The following ABCF3 variants were observed in gnomAD, a reference collection of about 807,000 sequenced individuals.
The protein encoded by ABCF3 is ATP-binding cassette sub-family F member 3.
ABCF3 carries 62 observed loss-of-function variants against 94.3 expected under a neutral mutation model. The observed-to-expected ratio is 0.66, with a 90% CI of 0.54 to 0.81. ABCF3 has a LOEUF of 0.81. Among genes scored for constraint, ABCF3 ranks in the 40% least tolerant of loss-of-function variants. The pLI, the probability that ABCF3 is intolerant of heterozygous loss-of-function variation, is 0.00. For synonymous variants in ABCF3, 355 were observed against 361.1 expected (o/e 0.98, Z 0.19); for missense variants, 843 against 925.3 (o/e 0.91, Z 1.15).
In ABCF3 at chr3:184,187,379, T is replaced by G. The variant is rs1209486544; in HGVS notation, c.302-18T>G. The G allele has an allele frequency of 6.2e-7, 1 of 1,613,926 alleles. No homozygotes were observed. The highest frequency in any genetic ancestry group is 1.7e-5 in the Admixed American group (1 of 60,016). On this transcript the variant is annotated intron_variant, in intron 3 of 20. Coordinates refer to ENST00000429586, the MANE Select transcript of ABCF3 (RefSeq NM_018358.3). ...CTTCCCTCAGGGAGAAGGTGACTGC[T>G]TTTCTTATCGCTTACAGACTGTGGA...
In ABCF3 at chr3:184,188,810, G is replaced by A; in HGVS notation, c.886G>A (p.Glu296Lys). The A allele has an allele frequency of 6.2e-7, 1 of 1,613,946 alleles. No individual in the cohort carries two copies. Among genetic ancestry groups the A allele is most frequent in the South Asian group, 1.1e-5 (1 of 91,036 alleles). ...GCTGGCAGAAATCTATGCCAAACTG[G>A]AGGAGATTGAGGCTGACAAGGCACC... is the stretch of plus-strand genomic sequence containing the variant. ...AELAEIYAKL[E>K]EIEADKAPAR... The change falls in exon 8 of 21, where the codon GAG (glutamate) becomes AAG (lysine). Residue 296 changes from glutamate to lysine, a missense_variant. Transcript: ENST00000429586.
rs72542420 is a variant in ABCF3, at chr3:184,186,243, C to T, written c.36C>T (p.Phe12=). ...ATCAEILRSE[F]PEIDGQVFDY... ...GCGCCGAAATCCTGCGGAGCGAGTT[C>T]CCCGAAATTGACGGACAAGTCTTCG... The change falls in exon 1 of 21, where the codon TTC becomes TTT. Residue 12 remains phenylalanine (F), a synonymous_variant. Transcript: ENST00000429586. 727 of 1,614,252 alleles carry T rather than the reference C, an allele frequency of 4.5e-4. 3 individuals are homozygous for T. The African/African-American group carries it at 8.8e-3, about 20-fold the overall frequency.
chr3:184,192,749 C>T (rs1268386369), intron 17 of ABCF3, 56 bp from the exon 18 acceptor site: 20 of 1,609,482 alleles, frequency 1.2e-5, no homozygotes, highest in Non-Finnish European at 1.7e-5. Context: ...ATGCTGCCTG[C>T]GCTCCTTCGT....
At position 184,186,276 on chromosome 3, in the gene ABCF3, G is replaced by T; in HGVS notation, c.69G>T (p.Val23=). Residue 23 remains valine (V), a synonymous_variant, in exon 1 of 21, where the codon GTG becomes GTT. Coordinates refer to ENST00000429586, the MANE Select transcript of ABCF3 (RefSeq NM_018358.3). ...PEIDGQVFDY[V]TGVLHSGSAD... is the part of the protein sequence containing the mutation. ...TTGACGGACAAGTCTTCGACTACGT[G>T]ACCGGTAAGCAGAACTGAATCGGCC... 1 of 1,614,218 alleles carries T rather than the reference G, an allele frequency of 6.2e-7. No individual in the cohort carries two copies. The highest frequency in any genetic ancestry group is 1.1e-5 in the South Asian group (1 of 91,076).
intron 7 of ABCF3, 25 bp from the exon 8 acceptor site, chr3:184,188,736 C>T: frequency 1.9e-6 from 3 of 1,612,302 alleles, no homozygotes; most frequent in Non-Finnish European, 2.5e-6. Flanking sequence ...CTGCTTAGGC[C>T]AATTGCTGTT....
chr3:184,186,720 G>C lies in ABCF3; in HGVS notation c.221+66G>C, dbSNP rs57210612. 378 of 1,591,334 alleles carry C rather than the reference G, an allele frequency of 2.4e-4. No homozygotes were observed. In the African/African-American group the frequency reaches 3.9e-3, roughly 17 times the overall value. On this transcript the variant is annotated intron_variant, in intron 2 of 20. Coordinates refer to ENST00000429586, the MANE Select transcript of ABCF3 (RefSeq NM_018358.3). ...GGCGAACGGTCCGGAGACAAGAGGTGGGGGAGGAAGATCTGATGGCCATAG... is the reference window on the plus strand; with the variant it reads ...GGCGAACGGTCCGGAGACAAGAGGTCGGGGAGGAAGATCTGATGGCCATAG...
intron 16 of ABCF3, among the ~76,000 whole-genome samples, chr3:184,192,088 G>A (rs1230241996): frequency 3.3e-5 from 5 of 152,052 alleles, no homozygotes; most frequent in African/African-American, 7.2e-5. Context: ...AGGAGTCATC[G>A]GGACTGGGGA....
At position 184,191,109 on chromosome 3, in the gene ABCF3, C is replaced by A; in HGVS notation, c.1437-14C>A. ...TTCCAGCTGCCCCCACATCCTCACC[C>A]CTACCTCCTGCAGGTTCCCTGATGG... On this transcript the variant is annotated splice_polypyrimidine_tract_variant and intron_variant, in intron 15 of 20. Coordinates refer to ENST00000429586, the MANE Select transcript of ABCF3 (RefSeq NM_018358.3). 6.2e-7 allele frequency: 1 copy of A among 1,614,228 alleles called. No individual in the cohort carries two copies. Among genetic ancestry groups the A allele is most frequent in the Non-Finnish European group, 8.5e-7 (1 of 1,180,042 alleles).
chr3:184,191,585 G>A (rs1716025196), intron 16 of ABCF3, among the ~76,000 whole-genome samples: 1 of 152,152 alleles, frequency 6.6e-6, no homozygotes, highest in Admixed American at 6.6e-5. Context: ...TTCGGATCTT[G>A]ACTATGCCAT....
At position 184,193,466 on chromosome 3, in the gene ABCF3, C is replaced by T. The variant is rs200503474; in HGVS notation, c.1971+14C>T. 3.8e-5 allele frequency: 61 copies of T among 1,614,050 alleles called. No individual in the cohort carries two copies. The highest frequency in any genetic ancestry group is 4.7e-5 in the Non-Finnish European group (56 of 1,180,036). The stretch of plus-strand genomic sequence containing the variant: ...AACAATTTCAGGGTGAGTGTGCCTT[C>T]ACCCTGACCACTCCTCCCAGGCCTC... On this transcript the variant is annotated intron_variant, in intron 20 of 20. Transcript: ENST00000429586. The surrounding 1 kb of genome is among the most constrained non-coding windows in gnomAD (Gnocchi z 5.2).
rs1055554972 is a variant in ABCF3, at chr3:184,193,012, G to A, written c.1751-90G>A. Reference sequence around the variant, plus strand: ...CAGAGCAGCCCCGCCAAGCCTAGATGGAAGGACATGGGGACTTGGAGGTGT... The same window carrying A: ...CAGAGCAGCCCCGCCAAGCCTAGATAGAAGGACATGGGGACTTGGAGGTGT... On this transcript the variant is annotated intron_variant, in intron 18 of 20. Coordinates refer to ENST00000429586, the MANE Select transcript of ABCF3 (RefSeq NM_018358.3). This position sits in a 1 kb window ranked among gnomAD's most constrained non-coding sequence, Gnocchi z 5.2. 1.2e-5 allele frequency: 18 copies of A among 1,554,608 alleles called. No individual in the cohort carries two copies. The highest frequency in any genetic ancestry group is 1.5e-5 in the Non-Finnish European group (17 of 1,148,078).
At position 184,191,157 on chromosome 3, in the gene ABCF3, A is replaced by G. The variant is rs140615216; in HGVS notation, c.1471A>G (p.Ile491Val). The G allele has an allele frequency of 3.0e-5, 49 of 1,614,002 alleles. No homozygotes were observed. The African/African-American group carries it at 4.3e-4, about 14-fold the overall frequency. The change falls in exon 16 of 21, where the codon ATT becomes GTT. Residue 491 changes from isoleucine (I) to valine (V), a missense_variant. By Grantham distance (29) the Ile-to-Val change is conservative. Coordinates refer to ENST00000429586, the MANE Select transcript of ABCF3 (RefSeq NM_018358.3). ...TGGGTTTGAGAAGTTCTCGCCGCCAATTCTGCAGCTAGATGAGGTGGATTT... is the reference window on the plus strand; with the variant it reads ...TGGGTTTGAGAAGTTCTCGCCGCCAGTTCTGCAGCTAGATGAGGTGGATTT... The part of the protein sequence containing the change: ...PDGFEKFSPP[I>V]LQLDEVDFYY...
chr3:184,186,782 C>T lies in ABCF3; in HGVS notation c.222-14C>T, dbSNP rs778952224. ...CAACTCCTAACTCTGCGCTTTCTAT[C>T]CCTACCCACATAGGGCTGAGCCACA... On this transcript the variant is annotated splice_polypyrimidine_tract_variant and intron_variant, in intron 2 of 20. Transcript: ENST00000429586. The T allele has an allele frequency of 4.0e-5, 65 of 1,611,900 alleles. No homozygotes were observed. Among genetic ancestry groups the T allele is most frequent in the African/African-American group, 5.3e-5 (4 of 74,888 alleles).
At chr3:184,192,732 G>C (rs748778950) in intron 17 of ABCF3, 43 bp downstream of exon 17, 1 of 1,609,332 alleles carries the variant, frequency 6.2e-7, no homozygotes, top group South Asian at 1.1e-5. Context: ...CACATTTGCA[G>C]GCACCCATGC....
At position 184,188,974 on chromosome 3, in the gene ABCF3, G is replaced by C; in HGVS notation, c.963G>C (p.Gln321His). Residue 321 changes from glutamine to histidine, a missense_variant, in exon 9 of 21, where the codon CAG (glutamine) becomes CAC (histidine). Transcript: ENST00000429586. ...GGCTTGGCTTTACCCCTAAAATGCA[G>C]CAGCAGCCCACCCGGTGAGTGACCC... ...LAGLGFTPKM[Q>H]QQPTREFSGG... The C allele has an allele frequency of 6.2e-7, 1 of 1,614,238 alleles. No individual in the cohort carries two copies. The highest frequency in any genetic ancestry group is 8.5e-7 in the Non-Finnish European group (1 of 1,180,044).
rs745822416 is a variant in ABCF3 at position 184,186,864 on chromosome 3, C to T, written c.290C>T (p.Thr97Met). The T allele has an allele frequency of 5.0e-6, 8 of 1,613,674 alleles. No homozygotes were observed. Among genetic ancestry groups the T allele is most frequent in the Middle Eastern group, 1.7e-4 (1 of 6,056 alleles). The change falls in exon 3 of 21, where the codon ACG (threonine) becomes ATG (methionine). Residue 97 changes from threonine (T) to methionine (M), a missense_variant. By Grantham distance (81) the Thr-to-Met change is moderately conservative. Coordinates refer to ENST00000429586, the MANE Select transcript of ABCF3 (RefSeq NM_018358.3). ...GCCCCTATCCAGTTGTCAAAGATAA[C>T]GGAGAACTACGGTGAGAGTGAGGGG... Reference protein sequence around the residue: ...LDAPIQLSKITENYDCGTKLP... With the variant: ...LDAPIQLSKIMENYDCGTKLP...
At position 184,188,741 on chromosome 3, in the gene ABCF3, G is replaced by A; in HGVS notation, c.837-20G>A. On this transcript the variant is annotated intron_variant, in intron 7 of 20. Transcript: ENST00000429586. ...TAGACTGCCCCTGCTTAGGCCAATT[G>A]CTGTTTCTCCTCCCTCCAGGGCGGA... 3 of 1,613,152 alleles carry A rather than the reference G, an allele frequency of 1.9e-6. No homozygotes were observed. The highest frequency in any genetic ancestry group is 1.1e-5 in the South Asian group (1 of 90,944).
chr3:184,187,074 G>A, intron 3 of ABCF3, 199 bp downstream of exon 3: 1 of 654,068 alleles, frequency 1.5e-6, no homozygotes, highest in Middle Eastern at 4.2e-4. Context: ...CAAGCTCTTG[G>A]GTAGGATAGG....
chr3:184,192,986 G>T lies in ABCF3; in HGVS notation c.1750+90G>T, dbSNP rs189928370. On this transcript the variant is annotated intron_variant, in intron 18 of 20. Transcript: ENST00000429586. ...CAGCTAGGCCTGCCTTGGGGTGCGTGCAGAGCAGCCCCGCCAAGCCTAGAT... is the reference window on the plus strand; with the variant it reads ...CAGCTAGGCCTGCCTTGGGGTGCGTTCAGAGCAGCCCCGCCAAGCCTAGAT... 2.5e-3 allele frequency: 3,903 copies of T among 1,574,224 alleles called. 7 individuals are homozygous for T. Among genetic ancestry groups the T allele is most frequent in the Non-Finnish European group, 3.2e-3 (3,698 of 1,156,142 alleles).
Sources: allele counts gnomAD v4.1 joint callset (sites outside exome capture counted in the v4.1 genomes callset), GRCh38; gene constraint gnomAD v4.1.1; non-coding constraint Gnocchi (gnomAD v3.1); transcripts MANE v1.5; gene names NCBI Gene and HGNC (gene_info 2026-07-23, HGNC 2026-07-21).